SLC35F1: variants seen among roughly 807,000 people sequenced by gnomAD.
SLC35F1 encodes chromosome 6 open reading frame 169.
Under a neutral mutation model 48.7 loss-of-function variants are expected in SLC35F1, and 14 were observed. The observed-to-expected ratio is 0.29, with a 90% confidence interval of 0.19 to 0.45. The LOEUF (loss-of-function observed/expected upper bound fraction) is 0.45, where lower values mean the gene tolerates loss of function less well. Among genes scored for constraint, SLC35F1 ranks in the 20% least tolerant of loss-of-function variants. The probability of loss-of-function intolerance (pLI) is 1.00; values close to 1 mark genes in which losing one functional copy is unlikely to be tolerated. For missense variants in SLC35F1, 404 were observed against 500.0 expected, an observed-to-expected ratio of 0.81 and a Z score of 1.83; for synonymous variants, 190 against 202.2, an observed-to-expected ratio of 0.94 and a Z score of 0.51.
At chr6:118,275,789 TAAAC>T (rs1026781454) in intron 5 of SLC35F1, among the ~76,000 whole-genome samples, 174 bp downstream of exon 5, 2 of 152,180 alleles carry the variant, frequency 1.3e-5, no homozygotes, top group African/African-American at 4.8e-5. Context: ...ACCTCCAAAT[TAAAC>T]AAGTTTAATA....
intron 1 of SLC35F1, among the ~76,000 whole-genome samples, chr6:118,046,266 C>T (rs116552132): frequency 0.015 from 2,218 of 152,218 alleles, 62 homozygotes; most frequent in African/African-American, 0.05. Flanking sequence ...AATTCAGTAA[C>T]GACAGTGGCA....
intron 1 of SLC35F1, among the ~76,000 whole-genome samples, chr6:118,112,182 G>C (rs926489207): frequency 3.4e-4 from 51 of 150,566 alleles, no homozygotes; most frequent in African/African-American, 1.2e-3. Context: ...AGGCTGGAGT[G>C]CAGTGGCACG....
chr6:118,045,922 C>T (rs548775566), intron 1 of SLC35F1, among the ~76,000 whole-genome samples: 1 of 151,722 alleles, frequency 6.6e-6, no homozygotes, highest in Non-Finnish European at 1.5e-5. Context: ...GGGTTGACCC[C>T]AAGATCAGTT....
chr6:117,945,967 C>T (rs897432481), intron 1 of SLC35F1, among the ~76,000 whole-genome samples: 3 of 152,128 alleles, frequency 2.0e-5, no homozygotes, highest in Admixed American at 6.5e-5. Context: ...GAGCATTTTC[C>T]GTAAGCTGCA....
At chr6:118,188,981 G>C (rs1172156441) in intron 2 of SLC35F1, among the ~76,000 whole-genome samples, 3 of 152,072 alleles carry the variant, frequency 2.0e-5, no homozygotes, top group East Asian at 3.9e-4. Context: ...GTGCAGTCAT[G>C]GCTGACTGCA....
At chr6:118,021,209 A>G (rs945488548) in intron 1 of SLC35F1, among the ~76,000 whole-genome samples, 81 of 152,166 alleles carry the variant, frequency 5.3e-4, no homozygotes, top group Non-Finnish European at 7.3e-5. Context: ...GACATCTTGC[A>G]ACAAGCAGTA....
intron 7 of SLC35F1, among the ~76,000 whole-genome samples, chr6:118,312,899 T>C (rs542956648): frequency 6.6e-6 from 1 of 152,308 alleles, no homozygotes; most frequent in East Asian, 1.9e-4. Flanking sequence ...CTTTCAGTAT[T>C]AGCATTAAGG....
chr6:118,185,855 C>G (rs1774649057), intron 2 of SLC35F1, among the ~76,000 whole-genome samples: 1 of 152,136 alleles, frequency 6.6e-6, no homozygotes, highest in Non-Finnish European at 1.5e-5. Context: ...TTACAACAAG[C>G]ACAGTGTCTG....
chr6:118,088,415 CA>C (rs1389082316), intron 1 of SLC35F1, among the ~76,000 whole-genome samples: 3 of 152,120 alleles, frequency 2.0e-5, no homozygotes, highest in Non-Finnish European at 2.9e-5. Flanking sequence ...TGACCATGGC[CA>C]CAAAAGTAGT....
intron 1 of SLC35F1, among the ~76,000 whole-genome samples, chr6:118,087,549 C>T (rs558527931): frequency 6.6e-6 from 1 of 152,056 alleles, no homozygotes; most frequent in African/African-American, 2.4e-5. Flanking sequence ...GAATTATCAG[C>T]AAGTCATTAT....
chr6:118,214,752 T>C (rs2114553907), intron 2 of SLC35F1, among the ~76,000 whole-genome samples: 1 of 152,236 alleles, frequency 6.6e-6, no homozygotes, highest in South Asian at 2.1e-4. Flanking sequence ...CTGGGATGTC[T>C]CTCCATTACA....
intron 1 of SLC35F1, among the ~76,000 whole-genome samples, chr6:118,020,648 T>A (rs536794703): frequency 1.1e-4 from 17 of 152,278 alleles, no homozygotes; most frequent in African/African-American, 4.1e-4. Context: ...GAAGATTCAA[T>A]CCCCTTATAG....
intron 1 of SLC35F1, among the ~76,000 whole-genome samples, chr6:118,085,452 C>T (rs908565582): frequency 3.5e-4 from 52 of 149,330 alleles, no homozygotes; most frequent in African/African-American, 1.1e-3. Flanking sequence ...TGTAATCATC[C>T]AGCCTATAGT....
chr6:118,256,137 G>A (rs997657406), intron 3 of SLC35F1, among the ~76,000 whole-genome samples: 1 of 152,022 alleles, frequency 6.6e-6, no homozygotes. Flanking sequence ...TTGATTGTAT[G>A]TGAATGTATG....
chr6:118,229,463 G>T (rs1405737000), intron 2 of SLC35F1, among the ~76,000 whole-genome samples: 2 of 152,152 alleles, frequency 1.3e-5, no homozygotes, highest in Admixed American at 6.5e-5. Context: ...TGGCAGTGGG[G>T]TGCCCTGCAA....
chr6:118,271,996 A>AAGTGAT (rs1775857449), intron 4 of SLC35F1, among the ~76,000 whole-genome samples: 1 of 152,234 alleles, frequency 6.6e-6, no homozygotes, highest in South Asian at 2.1e-4. Context: ...CACAGGTAGT[A>AAGTGAT]AGTGATAGAG....
intron 3 of SLC35F1, among the ~76,000 whole-genome samples, chr6:118,248,719 T>G (rs2114600419): frequency 6.6e-6 from 1 of 152,320 alleles, no homozygotes; most frequent in East Asian, 1.9e-4. Flanking sequence ...AAGATAAACG[T>G]GTGCTGTTTT....
chr6:117,933,277 C>T (rs1776123909), intron 1 of SLC35F1, among the ~76,000 whole-genome samples: 2 of 152,122 alleles, frequency 1.3e-5, no homozygotes, highest in South Asian at 4.1e-4. Flanking sequence ...TTTAAACTCC[C>T]CTCCCTACTG....
At chr6:118,070,497 T>C (rs1772686274) in intron 1 of SLC35F1, among the ~76,000 whole-genome samples, 1 of 152,138 alleles carries the variant, frequency 6.6e-6, no homozygotes, top group Admixed American at 6.6e-5. Context: ...AGTATGCACA[T>C]ACACATACAT....
Sources: allele counts gnomAD v4.1 joint callset (sites outside exome capture counted in the v4.1 genomes callset), GRCh38; gene constraint gnomAD v4.1.1; transcripts MANE v1.5; gene names NCBI Gene and HGNC (gene_info 2026-07-23, HGNC 2026-07-21).